The following TESPA1 variants were observed in gnomAD, a reference collection of about 807,000 sequenced individuals.
The protein encoded by TESPA1 is thymocyte expressed, positive selection associated 1.
A neutral mutation model predicts 57.9 loss-of-function variants in TESPA1; 33 were observed. That is an observed-to-expected ratio of 0.57 (90% CI 0.43 to 0.76). The LOEUF (loss-of-function observed/expected upper bound fraction) is 0.76. TESPA1 is among the 30% of genes least tolerant of loss of function. TESPA1 has a pLI of 0.00. For synonymous variants in TESPA1, 227 were observed against 228.9 expected, an observed-to-expected ratio of 0.99 and a Z score of 0.07; for missense variants, 618 against 632.9, an observed-to-expected ratio of 0.98 and a Z score of 0.25.
chr12:54,968,288 G>C (rs1362933370), intron 3 of TESPA1, among the ~76,000 whole-genome samples: 1 of 152,104 alleles, frequency 6.6e-6, no homozygotes, highest in Non-Finnish European at 1.5e-5. Context: ...AAATTTCTAG[G>C]TTTTCTTAAA....
Position 54,963,865 on chromosome 12 carries a change from T to C in TESPA1, c.532A>G (p.Thr178Ala), listed in dbSNP as rs1349160945. The C allele has an allele frequency of 6.8e-6, 11 of 1,614,006 alleles. No homozygotes were observed. The highest frequency in any genetic ancestry group is 6.8e-6 in the Non-Finnish European group (8 of 1,179,880). The change falls in exon 8 of 11, where the codon ACT becomes GCT. Residue 178 changes from threonine (T) to alanine (A), a missense_variant. This residue lies in a region of TESPA1 where 409 missense variants were observed against 420.1 expected (regional missense o/e 0.97). Transcript: ENST00000449076. ...LGFGQEDHKD[T>A]SRIPARFFTT... The stretch of plus-strand genomic sequence containing the variant: ...AAAAATCGGGCGGGTATCCGAGAAG[T>C]GTCTTTGTGATCCTCTTGGCCAAAG...
chr12:54,969,055 G>GTATA (rs1555205073), intron 3 of TESPA1, among the ~76,000 whole-genome samples: 5 of 129,816 alleles, frequency 3.9e-5, no homozygotes, highest in South Asian at 5.7e-4. Flanking sequence ...ATGTGTGTGT[G>GTATA]TAGATAGATA....
intron 10 of TESPA1, among the ~76,000 whole-genome samples, chr12:54,951,106 T>C (rs984269716): frequency 1.3e-5 from 2 of 152,200 alleles, no homozygotes; most frequent in African/African-American, 4.8e-5. Flanking sequence ...CCCACCCAAA[T>C]ATCATGTTGA....
chr12:54,982,090 T>G (rs1482311302), intron 1 of TESPA1: 1 of 152,194 alleles, frequency 6.6e-6, no homozygotes, highest in Non-Finnish European at 1.5e-5. Context: ...AATCCCAGAG[T>G]AGCTAACATT....
intron 3 of TESPA1, among the ~76,000 whole-genome samples, chr12:54,969,841 G>A (rs1951717372): frequency 6.6e-6 from 1 of 152,184 alleles, no homozygotes; most frequent in Non-Finnish European, 1.5e-5. Context: ...ACGGAAAGGA[G>A]GCATTTGGAA....
At chr12:54,958,919 C>A (rs914004879) in intron 10 of TESPA1, among the ~76,000 whole-genome samples, 2 of 152,168 alleles carry the variant, frequency 1.3e-5, no homozygotes, top group African/African-American at 4.8e-5. Context: ...CTACTTTATC[C>A]ATTAGAGCCC....
chr12:54,954,543 G>GTGAAT (rs1950615898), intron 10 of TESPA1, among the ~76,000 whole-genome samples: 1 of 152,152 alleles, frequency 6.6e-6, no homozygotes, highest in African/African-American at 2.4e-5. Flanking sequence ...CACAACATCA[G>GTGAAT]GTGTCAACAT....
At chr12:54,973,176 G>A (rs1420765244) in intron 3 of TESPA1, among the ~76,000 whole-genome samples, 2 of 152,196 alleles carry the variant, frequency 1.3e-5, no homozygotes, top group Non-Finnish European at 2.9e-5. Context: ...AGTCAGGGGA[G>A]TAGGGGTCTG....
At chr12:54,955,009 G>A (rs34912744) in intron 10 of TESPA1, among the ~76,000 whole-genome samples, 31,208 of 152,082 alleles carry the variant, frequency 0.21, 5,444 homozygotes, top group East Asian at 0.84. Context: ...AGGAAACTTA[G>A]TACTCTTTTC....
At position 54,965,953 on chromosome 12, in the gene TESPA1, A is replaced by C. The variant is rs1032553077; in HGVS notation, c.446+100T>G. On this transcript the variant is annotated intron_variant, in intron 7 of 10. Transcript: ENST00000449076. ...TGCAGTAAAAGTGCATAAAAGCTCC[A>C]GTAAGATATCCCAGAAAAAACAGGC... is the stretch of plus-strand genomic sequence containing the variant. 17 of 1,130,796 alleles carry C rather than the reference A, an allele frequency of 1.5e-5. 1 individual carries two copies. In the African/African-American group the frequency reaches 2.5e-4, roughly 17 times the overall value. 70.0% of individuals were successfully genotyped at this position (1,130,796 alleles called of 1,614,324 possible). A position where few individuals can be genotyped will look rare whatever the true frequency, so the allele number is the denominator to read the frequency against.
At chr12:54,967,522 A>C (rs757215210) in intron 4 of TESPA1, among the ~76,000 whole-genome samples, 1 of 152,026 alleles carries the variant, frequency 6.6e-6, no homozygotes, top group Admixed American at 6.6e-5. Flanking sequence ...AACAGCAAAC[A>C]TATGGGGATG....
chr12:54,967,782 C>T (rs1951540418), intron 4 of TESPA1, 61 bp downstream of exon 4: 18 of 1,594,314 alleles, frequency 1.1e-5, no homozygotes, highest in Non-Finnish European at 1.5e-5. Context: ...CACATACACA[C>T]ACGCACAGGT....
chr12:54,980,176 A>G (rs947926910), intron 1 of TESPA1, among the ~76,000 whole-genome samples: 4 of 152,188 alleles, frequency 2.6e-5, no homozygotes, highest in Admixed American at 6.5e-5. Flanking sequence ...TAAATTCTCC[A>G]TTTTGCATCT....
chr12:54,958,491 T>TTTTA (rs1160108545), intron 10 of TESPA1, among the ~76,000 whole-genome samples: 9,586 of 146,090 alleles, frequency 0.066, 992 homozygotes, highest in African/African-American at 0.22. Flanking sequence ...GATTTTTGCG[T>TTTTA]TTTTTTGTGC....
At chr12:54,955,122 C>T (rs1413820225) in intron 10 of TESPA1, among the ~76,000 whole-genome samples, 1 of 152,184 alleles carries the variant, frequency 6.6e-6, no homozygotes, top group East Asian at 1.9e-4. Flanking sequence ...AATAGCCATC[C>T]TAACAGGTTT....
chr12:54,976,190 C>T (rs1952128982), intron 1 of TESPA1, among the ~76,000 whole-genome samples: 1 of 152,174 alleles, frequency 6.6e-6, no homozygotes, highest in Non-Finnish European at 1.5e-5. Context: ...ATGTTTGAAG[C>T]TTTCAAACTT....
intron 1 of TESPA1, among the ~76,000 whole-genome samples, chr12:54,980,108 G>A (rs1480629474): frequency 6.6e-6 from 1 of 151,956 alleles, no homozygotes; most frequent in Non-Finnish European, 1.5e-5. Flanking sequence ...TAAGAAAATG[G>A]CCCAATGTCA....
intron 4 of TESPA1, among the ~76,000 whole-genome samples, chr12:54,967,621 C>T (rs1951531161): frequency 6.6e-6 from 1 of 152,084 alleles, no homozygotes; most frequent in South Asian, 2.1e-4. Context: ...CAGAACATAG[C>T]CTATGACTGT....
chr12:54,967,133 A>G (rs1951492077), intron 5 of TESPA1, 50 bp downstream of exon 5: 2 of 1,602,564 alleles, frequency 1.2e-6, no homozygotes, highest in East Asian at 4.5e-5. Flanking sequence ...GAATTCATAC[A>G]ATGTATATCC....
Sources: allele counts gnomAD v4.1 joint callset (sites outside exome capture counted in the v4.1 genomes callset), GRCh38; gene constraint gnomAD v4.1.1; regional missense constraint gnomAD v4.1.1; transcripts MANE v1.5; gene names NCBI Gene and HGNC (gene_info 2026-07-23, HGNC 2026-07-21).